ZNF521: variants seen among roughly 807,000 people sequenced by gnomAD.
The protein encoded by ZNF521 is LYST-interacting protein 3.
A neutral mutation model predicts 105.5 loss-of-function variants in ZNF521; 14 were observed. That is an observed-to-expected ratio of 0.13 (90% CI 0.09 to 0.21). The LOEUF (loss-of-function observed/expected upper bound fraction) is 0.21, where lower values mean the gene tolerates loss of function less well. Among genes scored for constraint, ZNF521 ranks in the 10% least tolerant of loss-of-function variants. The pLI is 1.00. For synonymous variants in ZNF521, 635 were observed against 606.0 expected (o/e 1.05, Z -0.70); for missense variants, 1,233 against 1,629.7 (o/e 0.76, Z 4.19).
chr18:25,110,705 G>A lies in ZNF521; in HGVS notation c.3659-18624C>T, dbSNP rs190243143. On this transcript the variant is annotated intron_variant, in intron 5 of 7. Transcript: ENST00000361524. Reference sequence around the variant, plus strand: ...AAAGTAAAAAAAAAAAAAATTGTGTGTTTCAAATATAGAAGCACTGTCTCC... The same window carrying A: ...AAAGTAAAAAAAAAAAAAATTGTGTATTTCAAATATAGAAGCACTGTCTCC... 1.3e-4 allele frequency among the ~76,000 whole-genome samples: 20 copies of A among 151,028 alleles called. 1 individual carries two copies. The East Asian group carries it at 3.1e-3, about 23-fold the overall frequency.
At chr18:25,218,804 C>G (rs1026688837) in intron 4 of ZNF521, among the ~76,000 whole-genome samples, 1 of 151,996 alleles carries the variant, frequency 6.6e-6, no homozygotes, top group Non-Finnish European at 1.5e-5. Flanking sequence ...GCCGAGATCA[C>G]GCCATTGCAC....
intron 3 of ZNF521, among the ~76,000 whole-genome samples, chr18:25,296,055 C>T (rs1466174409): frequency 6.6e-6 from 1 of 152,208 alleles, no homozygotes; most frequent in African/African-American, 2.4e-5. Flanking sequence ...CAATCACAGA[C>T]AACACAGAAA....
chr18:25,291,846 C>T (rs1911045708), intron 3 of ZNF521, among the ~76,000 whole-genome samples: 1 of 151,718 alleles, frequency 6.6e-6, no homozygotes, highest in African/African-American at 2.4e-5. Flanking sequence ...TAATCAACAC[C>T]CTCTCTAGAT....
At chr18:25,233,901 A>C (rs1486728782) in intron 3 of ZNF521, among the ~76,000 whole-genome samples, 1 of 152,182 alleles carries the variant, frequency 6.6e-6, no homozygotes, top group African/African-American at 2.4e-5. Context: ...AGTTCATTTG[A>C]ACAGACGGAG....
chr18:25,138,995 C>T (rs1221475678), intron 5 of ZNF521, among the ~76,000 whole-genome samples: 1 of 152,150 alleles, frequency 6.6e-6, no homozygotes, highest in South Asian at 2.1e-4. Context: ...AGAAGAAAGG[C>T]AAACTCTTTT....
chr18:25,221,494 G>A (rs954395429), intron 4 of ZNF521, among the ~76,000 whole-genome samples: 1 of 152,066 alleles, frequency 6.6e-6, no homozygotes, highest in Non-Finnish European at 1.5e-5. Context: ...ATCTAACCTT[G>A]TTCTTGACCA....
At chr18:25,167,477 A>G (rs2035365494) in intron 5 of ZNF521, among the ~76,000 whole-genome samples, 1 of 152,204 alleles carries the variant, frequency 6.6e-6, no homozygotes, top group Admixed American at 6.5e-5. Flanking sequence ...CCTGACCAAA[A>G]TTCTTGAAGA....
chr18:25,327,386 A>G, intron 2 of ZNF521: 1 of 1,086,114 alleles, frequency 9.2e-7, no homozygotes, highest in Non-Finnish European at 1.1e-6. Flanking sequence ...GTTGTATTTA[A>G]AGTTCATATG....
intron 5 of ZNF521, among the ~76,000 whole-genome samples, chr18:25,169,355 C>A (rs2035407119): frequency 6.6e-6 from 1 of 152,110 alleles, no homozygotes; most frequent in Non-Finnish European, 1.5e-5. Context: ...CTAGATAAAA[C>A]AGCTGACCCA....
At chr18:25,094,206 A>C (rs1179239476) in intron 5 of ZNF521, among the ~76,000 whole-genome samples, 1 of 152,210 alleles carries the variant, frequency 6.6e-6, no homozygotes, top group East Asian at 1.9e-4. Context: ...CATAAAGTGA[A>C]TTATGCACAT....
At chr18:25,215,218 T>C (rs558622992) in intron 4 of ZNF521, among the ~76,000 whole-genome samples, 2 of 152,248 alleles carry the variant, frequency 1.3e-5, no homozygotes, top group East Asian at 1.9e-4. Flanking sequence ...AACATGCACA[T>C]TTAAAAGATA....
intron 7 of ZNF521, among the ~76,000 whole-genome samples, chr18:25,076,881 G>A (rs1282283231): frequency 1.3e-5 from 2 of 152,254 alleles, no homozygotes; most frequent in Non-Finnish European, 2.9e-5. Flanking sequence ...AGGCTGGGAT[G>A]GCCCCCTTAT....
chr18:25,289,956 T>C (rs368033189), intron 3 of ZNF521, among the ~76,000 whole-genome samples: 5 of 152,356 alleles, frequency 3.3e-5, no homozygotes, highest in African/African-American at 1.2e-4. Flanking sequence ...CATGCCATTA[T>C]TGGTCTCTTC....
intron 7 of ZNF521, among the ~76,000 whole-genome samples, chr18:25,087,320 T>C (rs1396450693): frequency 6.6e-6 from 1 of 152,162 alleles, no homozygotes; most frequent in South Asian, 2.1e-4. Context: ...AAACCTGGAA[T>C]CTTGAAGGAT....
chr18:25,241,850 C>T (rs922011798), intron 3 of ZNF521, among the ~76,000 whole-genome samples: 1 of 152,174 alleles, frequency 6.6e-6, no homozygotes, highest in African/African-American at 2.4e-5. Flanking sequence ...GTTTTTCCTT[C>T]TCACTTTTTA....
chr18:25,144,288 ACT>A (rs968196294), intron 5 of ZNF521, among the ~76,000 whole-genome samples: 4 of 152,036 alleles, frequency 2.6e-5, no homozygotes, highest in African/African-American at 9.7e-5. Context: ...CTGTGAGCGC[ACT>A]CTCTCTTGCT....
intron 4 of ZNF521, among the ~76,000 whole-genome samples, chr18:25,221,234 ATC>A (rs1158112942): frequency 6.6e-6 from 1 of 152,208 alleles, no homozygotes; most frequent in African/African-American, 2.4e-5. Context: ...TCGATTTCAA[ATC>A]TCTCTATTAC....
intron 5 of ZNF521, among the ~76,000 whole-genome samples, chr18:25,111,295 T>C (rs1320609890): frequency 1.3e-5 from 2 of 152,170 alleles, no homozygotes. Flanking sequence ...TGCATTCCAC[T>C]TGTCCCACAC....
intron 5 of ZNF521, among the ~76,000 whole-genome samples, chr18:25,164,069 C>T (rs927264972): frequency 2.6e-5 from 4 of 152,144 alleles, no homozygotes; most frequent in African/African-American, 9.7e-5. Context: ...GATATTACTC[C>T]CAGTTGGAAA....
Sources: allele counts gnomAD v4.1 joint callset (sites outside exome capture counted in the v4.1 genomes callset), GRCh38; gene constraint gnomAD v4.1.1; transcripts MANE v1.5; gene names NCBI Gene and HGNC (gene_info 2026-07-23, HGNC 2026-07-21).